The following CELF2 variants were observed in gnomAD, a reference collection of about 807,000 sequenced individuals.
The protein encoded by CELF2 is CUG triplet repeat RNA-binding protein 2.
CELF2 carries 8 observed loss-of-function variants against 62.6 expected under a neutral mutation model. That is an observed-to-expected ratio of 0.13 (90% CI 0.07 to 0.23). CELF2 has a LOEUF of 0.23. Among genes scored for constraint, CELF2 ranks in the 10% least tolerant of loss-of-function variants. The pLI is 1.00. For missense variants in CELF2, 333 were observed against 671.0 expected (o/e 0.50, Z 5.56); for synonymous variants, 258 against 250.0 (o/e 1.03, Z -0.30).
intron 9 of CELF2, among the ~76,000 whole-genome samples, chr10:11,304,097 G>A (rs1407243500): frequency 2.6e-5 from 4 of 152,152 alleles, no homozygotes; most frequent in Non-Finnish European, 5.9e-5. Flanking sequence ...CATTTATTAT[G>A]TTGCAGTTCT....
Position 11,099,869 on chromosome 10 carries a change from AAAC to A in CELF2, c.75-65602_75-65600del, listed in dbSNP as rs1237584657. On this transcript the variant is annotated intron_variant, in intron 1 of 12. Coordinates refer to ENST00000633077, the MANE Select transcript of CELF2 (RefSeq NM_001326342.2). ...TTGGAAACTCCTTGTTTCTACATTA[AAAC>A]AACAACAACAACAAAAAAAAAAAAA... Among the ~76,000 whole-genome samples the A allele has an allele frequency of 1.7e-4, 24 of 143,880 alleles. 3 individuals are homozygous for A. The highest frequency in any genetic ancestry group is 1.4e-3 in the East Asian group (7 of 4,846). The allele number at this position is 143,880 out of a possible 152,430, so 94.4% of individuals were successfully genotyped here. A position where few individuals can be genotyped will look rare whatever the true frequency, so the allele number is the denominator to read the frequency against.
chr10:11,141,321 G>A (rs1038203850), intron 1 of CELF2, among the ~76,000 whole-genome samples: 1 of 152,216 alleles, frequency 6.6e-6, no homozygotes, highest in Non-Finnish European at 1.5e-5. Flanking sequence ...CACGATGGAG[G>A]ACATTGGAAG....
At chr10:10,581,501 G>C in the CELF2 span, among the ~76,000 whole-genome samples, 1,828 of 152,174 alleles carry the variant, frequency 0.012, 38 homozygotes, top group African/African-American at 0.041. Context: ...GTAGTACTCA[G>C]GAAAGCTGAC....
At chr10:10,691,473 G>T in the CELF2 span, among the ~76,000 whole-genome samples, 1 of 150,692 alleles carries the variant, frequency 6.6e-6, no homozygotes, top group East Asian at 1.9e-4. Context: ...ACATACGTGT[G>T]CATGTGTCTT....
chr10:11,062,451 C>T (rs949637515), intron 1 of CELF2, among the ~76,000 whole-genome samples: 6 of 152,144 alleles, frequency 3.9e-5, no homozygotes, highest in Non-Finnish European at 5.9e-5. Context: ...ATTCATGATT[C>T]GTGGGAGAAG....
chr10:10,805,432 A>G (rs2055115607), intron 1 of CELF2, among the ~76,000 whole-genome samples: 1 of 152,224 alleles, frequency 6.6e-6, no homozygotes, highest in South Asian at 2.1e-4. Flanking sequence ...TTGAAGAATC[A>G]TGACTCAGTT....
In CELF2 at chr10:11,242,616, G is replaced by A. The variant is rs2074303620; in HGVS notation, c.355-6537G>A. 6.6e-6 allele frequency among the ~76,000 whole-genome samples: 1 copy of A among 152,214 alleles called. No individual in the cohort carries two copies. Among genetic ancestry groups the A allele is most frequent in the Admixed American group, 6.5e-5 (1 of 15,286 alleles). Reference sequence around the variant, plus strand: ...GTGCATGCACTTACCCCTCAGACTTGAGAAATGGCTTTGCTCCAAAGTCGT... The same window carrying A: ...GTGCATGCACTTACCCCTCAGACTTAAGAAATGGCTTTGCTCCAAAGTCGT... On this transcript the variant is annotated intron_variant, in intron 3 of 12. Coordinates refer to ENST00000633077, the MANE Select transcript of CELF2 (RefSeq NM_001326342.2). The surrounding 1 kb of genome is among the most constrained non-coding windows in gnomAD (Gnocchi z 4.8).
intron 3 of CELF2, among the ~76,000 whole-genome samples, chr10:11,235,548 G>A (rs138098455): frequency 6.6e-6 from 1 of 152,270 alleles, no homozygotes; most frequent in Non-Finnish European, 1.5e-5. Flanking sequence ...TAGAATAGAA[G>A]GTAGAAATCA....
At chr10:11,022,245 A>C (rs1040305582) in intron 1 of CELF2, among the ~76,000 whole-genome samples, 3 of 152,238 alleles carry the variant, frequency 2.0e-5, no homozygotes, top group African/African-American at 4.8e-5. Flanking sequence ...TTAACAGCAC[A>C]TGTTATCAGC....
At chr10:10,712,167 A>AAAAAC in the CELF2 span, among the ~76,000 whole-genome samples, 2 of 148,844 alleles carry the variant, frequency 1.3e-5, no homozygotes, top group African/African-American at 2.5e-5. Context: ...AAAAAAAAAA[A>AAAAAC]AAAAAACTGG....
At chr10:10,951,998 A>C (rs1187157335) in intron 2 of CELF2, 3 of 152,234 alleles carry the variant, frequency 2.0e-5, no homozygotes, top group Non-Finnish European at 2.9e-5. Flanking sequence ...GCCACAGAAC[A>C]CCTTGGACTC....
In CELF2 at chr10:11,156,013, G is replaced by A. The variant is rs2132918873; in HGVS notation, c.75-9473G>A. ...TAATCAGCATTTAACAGAAAAGTAG[G>A]TGGAGTTCTGAATGCCGGGCAAGCA... On this transcript the variant is annotated intron_variant, in intron 1 of 12. Transcript: ENST00000633077. The surrounding 1 kb of genome is among the most constrained non-coding windows in gnomAD (Gnocchi z 4.3). 6.6e-6 allele frequency among the ~76,000 whole-genome samples: 1 copy of A among 152,328 alleles called. No homozygotes were observed. Among genetic ancestry groups the A allele is most frequent in the South Asian group, 2.1e-4 (1 of 4,828 alleles).
chr10:10,631,820 T>C, the CELF2 span, among the ~76,000 whole-genome samples: 1 of 152,166 alleles, frequency 6.6e-6, no homozygotes, highest in East Asian at 1.9e-4. Context: ...GGAAAAGTAT[T>C]GAGCAGAGAT....
chr10:10,494,232 G>T, the CELF2 span, among the ~76,000 whole-genome samples: 3 of 152,236 alleles, frequency 2.0e-5, no homozygotes, highest in African/African-American at 7.2e-5. Context: ...TTCAAAGGAA[G>T]GGATGAAAAG....
chr10:11,310,654 C>T (rs866794195), intron 9 of CELF2, among the ~76,000 whole-genome samples: 5 of 151,206 alleles, frequency 3.3e-5, no homozygotes, highest in East Asian at 1.9e-4. Flanking sequence ...CAAACATGTG[C>T]GAGGGATAGT....
At chr10:10,855,686 A>G (rs893186138) in intron 1 of CELF2, among the ~76,000 whole-genome samples, 1 of 152,196 alleles carries the variant, frequency 6.6e-6, no homozygotes, top group African/African-American at 2.4e-5. Context: ...TTTTTTCTCC[A>G]TGGTAGCAGT....
rs1277678827 is a variant in CELF2 at position 11,335,310 on chromosome 10, C to T, written c.*6257C>T. 6.6e-6 allele frequency: 1 copy of T among 152,348 alleles called. No homozygotes were observed. Among genetic ancestry groups the T allele is most frequent in the Non-Finnish European group, 1.5e-5 (1 of 68,102 alleles). 9.4% of individuals were successfully genotyped at this position (152,348 alleles called of 1,614,324 possible). A position where few individuals can be genotyped will look rare whatever the true frequency, so the allele number is the denominator to read the frequency against. On this transcript the variant is annotated 3_prime_UTR_variant, in exon 13 of 13. Coordinates refer to ENST00000633077, the MANE Select transcript of CELF2 (RefSeq NM_001326342.2). This position sits in a 1 kb window ranked among gnomAD's most constrained non-coding sequence, Gnocchi z 5.0. The stretch of plus-strand genomic sequence containing the variant: ...TTACAAGATTCCGTCGATGTTTGCT[C>T]CCTCTGTCTTATCTCTCCTTCCAGT...
At chr10:10,651,710 A>G in the CELF2 span, among the ~76,000 whole-genome samples, 1 of 151,786 alleles carries the variant, frequency 6.6e-6, no homozygotes, top group South Asian at 2.1e-4. Flanking sequence ...CTACACCGAA[A>G]ACCCATCTGT....
chr10:10,786,249 T>G, the CELF2 span, among the ~76,000 whole-genome samples: 1 of 152,162 alleles, frequency 6.6e-6, no homozygotes, highest in Non-Finnish European at 1.5e-5. Context: ...GGACAATACA[T>G]GCCTCATCGT....
Sources: allele counts gnomAD v4.1 joint callset (sites outside exome capture counted in the v4.1 genomes callset), GRCh38; gene constraint gnomAD v4.1.1; non-coding constraint Gnocchi (gnomAD v3.1); transcripts MANE v1.5; gene names NCBI Gene and HGNC (gene_info 2026-07-23, HGNC 2026-07-21).